Variants in ZNF487 observed in about 807,000 individuals in gnomAD.
ZNF487 encodes zinc finger protein 487, also known as KRAB domain only 1.
A neutral mutation model predicts 3.0 loss-of-function variants in ZNF487; 4 were observed. That is an observed-to-expected ratio of 1.35 (90% confidence interval 0.66 to 3.08). ZNF487 has a LOEUF of 3.08. Among genes scored for constraint, ZNF487 ranks in the 30% most tolerant of loss-of-function variants. ZNF487 has a pLI of 0.01. For missense variants in ZNF487, 146 were observed against 98.7 expected (o/e 1.48, Z -2.03); for synonymous variants, 55 against 34.6 (o/e 1.59, Z -2.06).
At chr10:43,473,643 T>C (rs945480919) in intron 1 of ZNF487, among the ~76,000 whole-genome samples, 1 of 151,962 alleles carries the variant, frequency 6.6e-6, no homozygotes, top group African/African-American at 2.4e-5. Flanking sequence ...CTCAGCCTCC[T>C]GAGTAGCTGG....
intron 1 of ZNF487, among the ~76,000 whole-genome samples, chr10:43,463,274 A>G (rs112922411): frequency 9.2e-5 from 14 of 151,944 alleles, no homozygotes; most frequent in African/African-American, 3.1e-4. Flanking sequence ...CGGATGGCTC[A>G]TGCCTGTAAT....
intron 1 of ZNF487, among the ~76,000 whole-genome samples, chr10:43,442,038 T>C (rs893862342): frequency 3.9e-5 from 6 of 152,150 alleles, no homozygotes; most frequent in Admixed American, 3.3e-4. Context: ...GTCTGGCCAA[T>C]GTAGCTAACC....
intron 1 of ZNF487, among the ~76,000 whole-genome samples, chr10:43,466,394 TTTTC>T (rs771269448): frequency 1.9e-4 from 29 of 151,270 alleles, no homozygotes; most frequent in Admixed American, 4.6e-4. Context: ...TCTTTTCTTT[TTTTC>T]TTTCTTTCTT....
chr10:43,445,107 T>C (rs1180442726), intron 1 of ZNF487, among the ~76,000 whole-genome samples: 1 of 152,140 alleles, frequency 6.6e-6, no homozygotes, highest in Admixed American at 6.6e-5. Flanking sequence ...CTGCTGTTCA[T>C]TTCATTCAGT....
chr10:43,509,940 A>G, the ZNF487 span, among the ~76,000 whole-genome samples: 1 of 152,224 alleles, frequency 6.6e-6, no homozygotes, highest in Non-Finnish European at 1.5e-5. Flanking sequence ...TAATCTTCAA[A>G]TAAAGACAAT....
intron 1 of ZNF487, among the ~76,000 whole-genome samples, chr10:43,446,558 G>A (rs1184132668): frequency 1.3e-5 from 2 of 150,992 alleles, no homozygotes; most frequent in Admixed American, 6.6e-5. Context: ...CCTCCCAGAC[G>A]GGGCGGCCGG....
At chr10:43,487,793 A>G (rs144988013), downstream of ZNF487, among the ~76,000 whole-genome samples, 653 of 152,036 alleles carry the variant, frequency 4.3e-3, 5 homozygotes, top group Middle Eastern at 0.014. Flanking sequence ...TGTTAGAAGT[A>G]GAATTTTGAG....
chr10:43,445,837 T>C (rs1213499053), intron 1 of ZNF487, among the ~76,000 whole-genome samples: 1 of 152,178 alleles, frequency 6.6e-6, no homozygotes, highest in African/African-American at 2.4e-5. Context: ...CCTTCCGCAG[T>C]GTTTGTGTCC....
At chr10:43,457,320 G>A (rs959482852) in intron 1 of ZNF487, among the ~76,000 whole-genome samples, 4 of 152,100 alleles carry the variant, frequency 2.6e-5, no homozygotes, top group Non-Finnish European at 5.9e-5. Flanking sequence ...CACTTTGGGA[G>A]GCCGAGGGGG....
In ZNF487 at chr10:43,480,836, T is replaced by A. The variant is rs550270359; in HGVS notation, c.131-593T>A. Among the ~76,000 whole-genome samples, 3 of 152,212 alleles carry A rather than the reference T, an allele frequency of 2.0e-5. No individual in the cohort carries two copies. The East Asian group carries it at 5.8e-4, about 29-fold the overall frequency. The stretch of plus-strand genomic sequence containing the variant: ...TTGACAAGAGGAAGACTCTTCACAA[T>A]TATTAGGCAAATCAGAAGATGAAGC... On this transcript the variant is annotated intron_variant, in intron 3 of 3. Transcript: ENST00000437590.
At chr10:43,466,811 T>C (rs1305564945) in intron 1 of ZNF487, among the ~76,000 whole-genome samples, 1 of 152,220 alleles carries the variant, frequency 6.6e-6, no homozygotes, top group Non-Finnish European at 1.5e-5. Context: ...CTATGAGGTA[T>C]GAAATTAATG....
At chr10:43,463,967 G>T (rs1299839822) in intron 1 of ZNF487, among the ~76,000 whole-genome samples, 2 of 151,728 alleles carry the variant, frequency 1.3e-5, no homozygotes, top group Admixed American at 1.3e-4. Flanking sequence ...TATTCCTTGA[G>T]ACACAACAAT....
chr10:43,482,080 T>C lies in ZNF487; in HGVS notation c.*158T>C, dbSNP rs565665340. On this transcript the variant is annotated 3_prime_UTR_variant, in exon 4 of 4. Coordinates refer to ENST00000437590, the MANE Select transcript of ZNF487 (RefSeq NM_001355444.3). ...ACACCACAGGGTTATGGAGATGAAA[T>C]ACTATGAGTGTAATGCGAGTGAGAA... 1.7e-6 allele frequency: 1 copy of C among 575,882 alleles called. No homozygotes were observed. The highest frequency in any genetic ancestry group is 3.1e-6 in the Non-Finnish European group (1 of 327,848). The allele number at this position is 575,882 out of a possible 1,614,324, so 35.7% of individuals were successfully genotyped here. A position where few individuals can be genotyped will look rare whatever the true frequency, so the allele number is the denominator to read the frequency against.
At chr10:43,517,673 G>T in the ZNF487 span, among the ~76,000 whole-genome samples, 1 of 152,156 alleles carries the variant, frequency 6.6e-6, no homozygotes, top group Non-Finnish European at 1.5e-5. Flanking sequence ...CATACCAGCT[G>T]CCCATTGTTC....
Position 43,470,073 on chromosome 10 carries a change from T to C in ZNF487, c.-93-5648T>C, listed in dbSNP as rs1285359559. 2.0e-5 allele frequency among the ~76,000 whole-genome samples: 3 copies of C among 152,344 alleles called. No individual in the cohort carries two copies. In the East Asian group the frequency reaches 5.8e-4, roughly 29 times the overall value. ...TGCATGGGAAACCAACATACTCGCA[T>C]GACTCAAGTGACATTTGCTTTATTG... is the stretch of plus-strand genomic sequence containing the variant. On this transcript the variant is annotated intron_variant, in intron 1 of 3. Transcript: ENST00000437590.
At chr10:43,477,772 T>G (rs976733277) in intron 3 of ZNF487, among the ~76,000 whole-genome samples, 1 of 150,026 alleles carries the variant, frequency 6.7e-6, no homozygotes, top group South Asian at 2.1e-4. Flanking sequence ...ACCAATATGG[T>G]GAAACGCCGT....
Position 43,482,994 on chromosome 10 carries a change from C to T in ZNF487, c.*1072C>T, listed in dbSNP as rs1329919079. 2.0e-6 allele frequency: 1 copy of T among 504,320 alleles called. No homozygotes were observed. Among genetic ancestry groups the T allele is most frequent in the Non-Finnish European group, 4.0e-6 (1 of 248,494 alleles). The allele number at this position is 504,320 out of a possible 1,614,324, so 31.2% of individuals were successfully genotyped here. On this transcript the variant is annotated 3_prime_UTR_variant, in exon 4 of 4. Transcript: ENST00000437590. ...TCAGAGAACACACACAAGGGAGCAA[C>T]CCTATGAATATAATGAAAGCTTTTA...
chr10:43,492,358 C>G, the ZNF487 span, among the ~76,000 whole-genome samples: 1 of 151,884 alleles, frequency 6.6e-6, no homozygotes, highest in Non-Finnish European at 1.5e-5. Flanking sequence ...TTGTAATGAG[C>G]TTTCACATAT....
At position 43,456,642 on chromosome 10, in the gene ZNF487, G is replaced by C. The variant is rs559457943; in HGVS notation, c.-93-19079G>C. On this transcript the variant is annotated intron_variant, in intron 1 of 3. Coordinates refer to ENST00000437590, the MANE Select transcript of ZNF487 (RefSeq NM_001355444.3). ...GTCGCCCAGGCTGGCGTGCAGTGGT[G>C]GGATCTCGGCTCACTGTAGCCTCTG... Among the ~76,000 whole-genome samples, 128 of 152,210 alleles carry C rather than the reference G, an allele frequency of 8.4e-4. 1 individual carries two copies. Among genetic ancestry groups the C allele is most frequent in the African/African-American group, 2.9e-3 (122 of 41,536 alleles).
Sources: allele counts gnomAD v4.1 joint callset (sites outside exome capture counted in the v4.1 genomes callset), GRCh38; gene constraint gnomAD v4.1.1; transcripts MANE v1.5; gene names NCBI Gene and HGNC (gene_info 2026-07-23, HGNC 2026-07-21).